The following ITSN1 variants were observed in gnomAD, a reference collection of about 807,000 sequenced individuals.
The protein encoded by ITSN1 is intersectin-1.
ITSN1 carries 58 observed loss-of-function variants against 239.8 expected under a neutral mutation model. That is an observed-to-expected ratio of 0.24 (90% CI 0.20 to 0.30). The LOEUF (loss-of-function observed/expected upper bound fraction) is 0.30. Among genes scored for constraint, ITSN1 ranks in the 10% least tolerant of loss-of-function variants. ITSN1 has a pLI of 1.00. For synonymous variants in ITSN1, 780 were observed against 770.8 expected, an observed-to-expected ratio of 1.01 and a Z score of -0.20; for missense variants, 1,558 against 2,103.3, an observed-to-expected ratio of 0.74 and a Z score of 5.07.
intron 8 of ITSN1, among the ~76,000 whole-genome samples, chr21:33,756,120 G>A (rs541879065): frequency 6.6e-6 from 1 of 151,864 alleles, no homozygotes; most frequent in Admixed American, 6.6e-5. Context: ...GACCAGCCTG[G>A]CCAACATGGT....
At chr21:33,838,058 T>C (rs1486260077) in intron 29 of ITSN1, 1 of 985,692 alleles carries the variant, frequency 1.0e-6, no homozygotes, top group East Asian at 1.1e-4. Context: ...TTAACTAGAC[T>C]GTGGAATTTC....
At chr21:33,732,505 A>G (rs894556362) in intron 4 of ITSN1, among the ~76,000 whole-genome samples, 23 of 152,208 alleles carry the variant, frequency 1.5e-4, no homozygotes, top group Non-Finnish European at 4.4e-5. Context: ...AATGAACTCT[A>G]TTAAACTATT....
rs1986936236 is a variant in ITSN1, at chr21:33,898,861, T to G, written c.*10561T>G. The stretch of plus-strand genomic sequence containing the variant: ...CTGACTTCAGGAGTATGGGAAGCTG[T>G]GATTTCTGGAAGCTTCCTGGAATCT... On this transcript the variant is annotated 3_prime_UTR_variant, in exon 40 of 40. Coordinates refer to ENST00000381318, the MANE Select transcript of ITSN1 (RefSeq NM_003024.3). 1 of 152,268 alleles carries G rather than the reference T, an allele frequency of 6.6e-6. No individual in the cohort carries two copies. Among genetic ancestry groups the G allele is most frequent in the Non-Finnish European group, 1.5e-5 (1 of 68,058 alleles). 9.4% of individuals were successfully genotyped at this position (152,268 alleles called of 1,614,324 possible). A position where few individuals can be genotyped will look rare whatever the true frequency, so the allele number is the denominator to read the frequency against.
intron 1 of ITSN1, among the ~76,000 whole-genome samples, chr21:33,670,648 C>G (rs1444353000): frequency 6.6e-6 from 1 of 152,196 alleles, no homozygotes; most frequent in Non-Finnish European, 1.5e-5. Context: ...TCAGACAACA[C>G]TCTCTTTTTG....
In ITSN1 at chr21:33,882,462, T is replaced by G. The variant is rs1426887523; in HGVS notation, c.4554+7T>G. 1.2e-6 allele frequency: 2 copies of G among 1,610,448 alleles called. No individual in the cohort carries two copies. Among genetic ancestry groups the G allele is most frequent in the South Asian group, 1.1e-5 (1 of 90,428 alleles). The stretch of plus-strand genomic sequence containing the variant: ...GTATAAAATGTATAAAACAGTAAGT[T>G]GGATTCTAGATTTTGCATTATCAGG... On this transcript the variant is annotated splice_region_variant and intron_variant, in intron 35 of 39. Coordinates refer to ENST00000381318, the MANE Select transcript of ITSN1 (RefSeq NM_003024.3). This position sits in a 1 kb window ranked among gnomAD's most constrained non-coding sequence, Gnocchi z 4.5.
chr21:33,823,315 G>A (rs1033400434), intron 24 of ITSN1, among the ~76,000 whole-genome samples, 172 bp from the exon 25 acceptor site: 3 of 152,172 alleles, frequency 2.0e-5, no homozygotes, highest in Admixed American at 2.0e-4. Flanking sequence ...TGTGCACTGG[G>A]GGAATGTGGA....
chr21:33,678,950 A>G (rs1266731392), intron 1 of ITSN1, among the ~76,000 whole-genome samples: 1 of 152,202 alleles, frequency 6.6e-6, no homozygotes, highest in African/African-American at 2.4e-5. Flanking sequence ...CATCTACTTC[A>G]TAATGTATTG....
At chr21:33,854,920 G>A (rs544165279) in intron 29 of ITSN1, among the ~76,000 whole-genome samples, 1 of 152,228 alleles carries the variant, frequency 6.6e-6, no homozygotes, top group South Asian at 2.1e-4. Context: ...TCTCCTGCTG[G>A]TCTTGGGTTG....
chr21:33,668,224 G>T (rs1157805783), intron 1 of ITSN1, among the ~76,000 whole-genome samples: 1 of 152,200 alleles, frequency 6.6e-6, no homozygotes, highest in East Asian at 1.9e-4. Context: ...GAAAGAAAAA[G>T]TTGAAGAGGG....
intron 33 of ITSN1, among the ~76,000 whole-genome samples, chr21:33,872,033 T>C (rs118162809): frequency 0.03 from 4,500 of 152,358 alleles, 81 homozygotes; most frequent in African/African-American, 0.035. Context: ...AGAACACTTA[T>C]GCGCTAAATG....
chr21:33,835,065 T>TA (rs1478736844), intron 28 of ITSN1, among the ~76,000 whole-genome samples: 2 of 152,222 alleles, frequency 1.3e-5, no homozygotes, highest in African/African-American at 2.4e-5. Context: ...ATTTCTGCTT[T>TA]AGGTCTTTAA....
chr21:33,732,478 CAACT>C (rs1350251082), intron 4 of ITSN1, among the ~76,000 whole-genome samples: 4 of 152,122 alleles, frequency 2.6e-5, no homozygotes, highest in Non-Finnish European at 4.4e-5. Context: ...AAATCACTAC[CAACT>C]GTCATTCTAA....
At chr21:33,681,199 G>GT (rs2090929060) in intron 1 of ITSN1, among the ~76,000 whole-genome samples, 1 of 152,218 alleles carries the variant, frequency 6.6e-6, no homozygotes, top group Admixed American at 6.5e-5. Flanking sequence ...AGTACTATGT[G>GT]TTTGTATGGA....
At chr21:33,651,724 G>T (rs776375130) in intron 1 of ITSN1, among the ~76,000 whole-genome samples, 4 of 152,158 alleles carry the variant, frequency 2.6e-5, no homozygotes, top group Non-Finnish European at 5.9e-5. Context: ...GCAGGCTTTT[G>T]CATTGTCTAT....
chr21:33,781,497 A>G lies in ITSN1; in HGVS notation c.1633A>G (p.Lys545Glu). Residue 545 changes from lysine to glutamate, a missense_variant, in exon 15 of 40, where the codon AAA (lysine) becomes GAA (glutamate). Around this residue, in one of 2 missense-constraint regions of ITSN1, gnomAD observed 982 missense variants for 1,209.9 expected, o/e 0.81. Coordinates refer to ENST00000381318, the MANE Select transcript of ITSN1 (RefSeq NM_003024.3). ...QQMLGRLIPE[K>E]QILNDQLKQV... is the part of the protein sequence containing the mutation. Reference sequence around the variant, plus strand: ...AATGCTTGGAAGACTTATTCCAGAAAAACAGATACTCAATGACCAATTAAA... The same window carrying G: ...AATGCTTGGAAGACTTATTCCAGAAGAACAGATACTCAATGACCAATTAAA... 9 of 1,599,206 alleles carry G rather than the reference A, an allele frequency of 5.6e-6. No individual in the cohort carries two copies. The highest frequency in any genetic ancestry group is 6.8e-6 in the Non-Finnish European group (8 of 1,172,452).
At chr21:33,835,099 G>A (rs1424165456) in intron 28 of ITSN1, among the ~76,000 whole-genome samples, 2 of 152,246 alleles carry the variant, frequency 1.3e-5, no homozygotes, top group East Asian at 1.9e-4. Context: ...GTTGGCTTTT[G>A]TGGAAAGTGT....
intron 1 of ITSN1, among the ~76,000 whole-genome samples, chr21:33,667,871 C>T (rs1176152156): frequency 6.6e-6 from 1 of 152,104 alleles, no homozygotes. Context: ...CGTAGTACTG[C>T]ACTGATAGTG....
chr21:33,677,196 AG>A (rs2090646448), intron 1 of ITSN1, among the ~76,000 whole-genome samples: 1 of 152,096 alleles, frequency 6.6e-6, no homozygotes, highest in Non-Finnish European at 1.5e-5. Flanking sequence ...AGGTCAGGAG[AG>A]GGGAGAACTG....
chr21:33,711,358 T>C (rs955398281), intron 1 of ITSN1, among the ~76,000 whole-genome samples: 18 of 152,140 alleles, frequency 1.2e-4, no homozygotes, highest in East Asian at 5.8e-4. Flanking sequence ...TAATTTTCTC[T>C]ATTGTCTGCA....
Sources: gnomAD v4.1 joint callset for allele counts (sites outside exome capture counted in the v4.1 genomes callset) on GRCh38, gnomAD v4.1.1 for gene constraint, gnomAD v4.1.1 regional missense constraint, Gnocchi (gnomAD v3.1) non-coding constraint, MANE v1.5 for transcripts, NCBI Gene and HGNC (gene_info 2026-07-23, HGNC 2026-07-21) for gene names.